Variants in TSHZ1 observed in about 807,000 individuals in gnomAD.
The protein encoded by TSHZ1 is teashirt homolog 1.
A neutral mutation model predicts 67.1 loss-of-function variants in TSHZ1; 12 were observed. That is an observed-to-expected ratio of 0.18 (90% confidence interval 0.11 to 0.29). TSHZ1 has a LOEUF of 0.29. Ranked by LOEUF, TSHZ1 falls within the 10% of genes least tolerant of loss-of-function variation. The pLI, the probability that TSHZ1 is intolerant of heterozygous loss-of-function variation, is 1.00. For missense variants in TSHZ1, 1,305 were observed against 1,413.9 expected (o/e 0.92, Z 1.23); for synonymous variants, 632 against 622.4 (o/e 1.02, Z -0.23).
chr18:75,271,455 C>A (rs756938821), intron 1 of TSHZ1, among the ~76,000 whole-genome samples: 1 of 152,198 alleles, frequency 6.6e-6, no homozygotes, highest in African/African-American at 2.4e-5. Context: ...GAAATCCACT[C>A]ACCTGCAGAA....
chr18:75,284,689 C>G (rs1485122978), intron 1 of TSHZ1: 1 of 152,334 alleles, frequency 6.6e-6, no homozygotes, highest in African/African-American at 2.4e-5. Flanking sequence ...AGCACTATGC[C>G]CTCGAGGTGC....
Position 75,258,722 on chromosome 18 carries a change from G to T in TSHZ1, c.41-26726G>T, listed in dbSNP as rs1003436325. 7.9e-5 allele frequency among the ~76,000 whole-genome samples: 12 copies of T among 152,154 alleles called. No individual in the cohort carries two copies. The South Asian group carries it at 8.3e-4, about 11-fold the overall frequency. The stretch of plus-strand genomic sequence containing the variant: ...ACAGAACTGATTTCATGATCCACTA[G>T]TGACTTATGGCCCTCAGTGAGAAAA... On this transcript the variant is annotated intron_variant, in intron 1 of 1. Coordinates refer to ENST00000580243, the MANE Select transcript of TSHZ1 (RefSeq NM_001308210.2).
chr18:75,227,551 A>G (rs1176084382), intron 1 of TSHZ1, among the ~76,000 whole-genome samples: 1 of 152,236 alleles, frequency 6.6e-6, no homozygotes, highest in African/African-American at 2.4e-5. Context: ...AAAATATAAA[A>G]GCATTTGGCT....
chr18:75,249,271 C>A (rs1173441613), intron 1 of TSHZ1, among the ~76,000 whole-genome samples: 1 of 152,170 alleles, frequency 6.6e-6, no homozygotes, highest in Non-Finnish European at 1.5e-5. Context: ...GGTTGAGAGC[C>A]CTGGGTGCCT....
chr18:75,246,500 C>T (rs2023226401), intron 1 of TSHZ1, among the ~76,000 whole-genome samples: 1 of 149,640 alleles, frequency 6.7e-6, no homozygotes, highest in Admixed American at 6.7e-5. Context: ...TCAAAACACA[C>T]CCCAGTGCAG....
intron 1 of TSHZ1, chr18:75,245,497 G>A (rs1285901287): frequency 1.3e-5 from 2 of 152,162 alleles, no homozygotes; most frequent in African/African-American, 4.8e-5. Flanking sequence ...TAAACCTGTG[G>A]AGCTCTCTTA....
chr18:75,258,837 G>A (rs777643335), intron 1 of TSHZ1, among the ~76,000 whole-genome samples: 1 of 152,148 alleles, frequency 6.6e-6, no homozygotes, highest in Non-Finnish European at 1.5e-5. Flanking sequence ...TCCACTGATG[G>A]ATGACGATGA....
intron 1 of TSHZ1, among the ~76,000 whole-genome samples, chr18:75,282,544 A>G (rs1205188288): frequency 1.3e-5 from 2 of 152,156 alleles, no homozygotes; most frequent in African/African-American, 4.8e-5. Flanking sequence ...AGTAATTAAC[A>G]TTAAATGCGG....
At chr18:75,223,566 C>T (rs1468437357) in intron 1 of TSHZ1, among the ~76,000 whole-genome samples, 1 of 151,920 alleles carries the variant, frequency 6.6e-6, no homozygotes, top group East Asian at 1.9e-4. Context: ...CTTCTCCAGG[C>T]CCTGGAATCG....
In TSHZ1 at chr18:75,288,753, T is replaced by A; in HGVS notation, c.*112T>A. Reference sequence around the variant, plus strand: ...TTCCTTTGTTGCTGGCCCGCCTCTCTGGACCTTGGTTTTCTTACACATATT... The same window carrying A: ...TTCCTTTGTTGCTGGCCCGCCTCTCAGGACCTTGGTTTTCTTACACATATT... On this transcript the variant is annotated 3_prime_UTR_variant, in exon 2 of 2. Coordinates refer to ENST00000580243, the MANE Select transcript of TSHZ1 (RefSeq NM_001308210.2). The surrounding 1 kb of genome is among the most constrained non-coding windows in gnomAD (Gnocchi z 4.9). 6.8e-7 allele frequency: 1 copy of A among 1,480,022 alleles called. No individual in the cohort carries two copies. Among genetic ancestry groups the A allele is most frequent in the Non-Finnish European group, 9.0e-7 (1 of 1,115,666 alleles). The allele number at this position is 1,480,022 out of a possible 1,614,324, so 91.7% of individuals were successfully genotyped here.
At chr18:75,249,963 C>T (rs905328043) in intron 1 of TSHZ1, among the ~76,000 whole-genome samples, 4 of 148,504 alleles carry the variant, frequency 2.7e-5, no homozygotes, top group Non-Finnish European at 6.0e-5. Context: ...CTCGTCTCAC[C>T]CCTCCAGTTG....
chr18:75,257,857 C>T (rs1298358097), intron 1 of TSHZ1, among the ~76,000 whole-genome samples: 6 of 152,174 alleles, frequency 3.9e-5, no homozygotes, highest in South Asian at 2.1e-4. Flanking sequence ...CCTCATCTGC[C>T]TCAGTTTCTT....
intron 1 of TSHZ1, among the ~76,000 whole-genome samples, chr18:75,270,045 T>G (rs1302875519): frequency 1.3e-5 from 2 of 152,234 alleles, no homozygotes; most frequent in Non-Finnish European, 2.9e-5. Flanking sequence ...AACCTGATTT[T>G]GCAAACAGCC....
chr18:75,270,009 G>A (rs2023538659), intron 1 of TSHZ1, among the ~76,000 whole-genome samples: 1 of 152,226 alleles, frequency 6.6e-6, no homozygotes, highest in South Asian at 2.1e-4. Context: ...CCCAAGACCA[G>A]TTTTGTTGAC....
Position 75,285,621 on chromosome 18 carries a change from G to A in TSHZ1, c.214G>A (p.Ala72Thr), listed in dbSNP as rs760860368. 5 of 1,613,080 alleles carry A rather than the reference G, an allele frequency of 3.1e-6. 1 individual carries two copies. In the South Asian group the frequency reaches 3.3e-5, roughly 11 times the overall value. The change falls in exon 2 of 2, where the codon GCC becomes ACC. Residue 72 changes from alanine (A) to threonine (T), a missense_variant. This residue lies in a region of TSHZ1 where 358 missense variants were observed against 375.6 expected (regional missense o/e 0.95). Transcript: ENST00000580243. Reference protein sequence around the residue: ...SPVSSATNQDAGYGSPFSESS... With the variant: ...SPVSSATNQDTGYGSPFSESS... ...AGTCAGCTCTGCGACTAACCAGGAC[G>A]CCGGCTACGGGTCGCCCTTCAGTGA... is the stretch of plus-strand genomic sequence containing the variant.
chr18:75,257,440 G>C (rs865830557), intron 1 of TSHZ1, among the ~76,000 whole-genome samples: 1 of 152,228 alleles, frequency 6.6e-6, no homozygotes, highest in Non-Finnish European at 1.5e-5. Flanking sequence ...GGCAGAGAAA[G>C]TGAGAGTTTA....
intron 1 of TSHZ1, 106 bp downstream of exon 1, chr18:75,212,022 C>T: frequency 1.1e-6 from 1 of 904,070 alleles, no homozygotes; most frequent in Non-Finnish European, 1.4e-6. Context: ...CCGCCCCAAG[C>T]TGGGGAGGGG....
chr18:75,251,355 GT>G (rs907801984), intron 1 of TSHZ1, among the ~76,000 whole-genome samples: 1 of 150,214 alleles, frequency 6.7e-6, no homozygotes, highest in Non-Finnish European at 1.5e-5. Context: ...TTTCTTTCTT[GT>G]TTTTTTTTTG....
chr18:75,280,986 G>T (rs546340535), intron 1 of TSHZ1, among the ~76,000 whole-genome samples: 54 of 152,298 alleles, frequency 3.5e-4, no homozygotes, highest in African/African-American at 1.1e-3. Flanking sequence ...CCCTGCAGGG[G>T]AAGGGCTGCC....
Sources: gnomAD v4.1 joint callset for allele counts (sites outside exome capture counted in the v4.1 genomes callset) on GRCh38, gnomAD v4.1.1 for gene constraint, gnomAD v4.1.1 regional missense constraint, Gnocchi (gnomAD v3.1) non-coding constraint, MANE v1.5 for transcripts, NCBI Gene and HGNC (gene_info 2026-07-23, HGNC 2026-07-21) for gene names.